Variants in NEO1 observed in about 807,000 individuals in gnomAD.
The protein encoded by NEO1 is neogenin 1.
NEO1 carries 63 observed loss-of-function variants against 159.7 expected under a neutral mutation model. The observed-to-expected ratio is 0.39, with a 90% CI of 0.32 to 0.49. The LOEUF (loss-of-function observed/expected upper bound fraction) is 0.49, where lower values mean the gene tolerates loss of function less well. NEO1 is among the 20% of genes least tolerant of loss of function. NEO1 has a pLI of 0.85. For missense variants in NEO1, 1,615 were observed against 1,831.0 expected (o/e 0.88, Z 2.15); for synonymous variants, 633 against 662.0 (o/e 0.96, Z 0.67).
intron 25 of NEO1, among the ~76,000 whole-genome samples, chr15:73,290,687 C>G (rs1235336811): frequency 6.6e-6 from 1 of 152,184 alleles, no homozygotes; most frequent in Admixed American, 6.5e-5. Flanking sequence ...TTCTTTCAAA[C>G]TACTATGTCC....
At chr15:73,092,747 A>G (rs1247984467) in intron 1 of NEO1, among the ~76,000 whole-genome samples, 1 of 152,118 alleles carries the variant, frequency 6.6e-6, no homozygotes, top group Non-Finnish European at 1.5e-5. Flanking sequence ...TATTTTTTAG[A>G]TCAGTTTTAG....
At chr15:73,274,027 G>T in intron 20 of NEO1, 22 bp downstream of exon 20, 1 of 1,605,590 alleles carries the variant, frequency 6.2e-7, no homozygotes, top group African/African-American at 1.3e-5. Flanking sequence ...CAAGCTGAGG[G>T]TTTTGTTGTG....
intron 5 of NEO1, among the ~76,000 whole-genome samples, chr15:73,137,145 G>C (rs1040949606): frequency 6.6e-6 from 1 of 152,110 alleles, no homozygotes; most frequent in Non-Finnish European, 1.5e-5. Context: ...TGGTACCCTT[G>C]ATGCACGTTA....
intron 25 of NEO1, 81 bp from the exon 26 acceptor site, chr15:73,293,309 G>A: frequency 6.5e-7 from 1 of 1,545,062 alleles, no homozygotes; most frequent in Non-Finnish European, 8.9e-7. Context: ...GTGGGAAGGG[G>A]GTGACTTTGC....
At position 73,249,650 on chromosome 15, in the gene NEO1, G is replaced by T; in HGVS notation, c.1823G>T (p.Arg608Leu). ...AAAAAATATACAGAGTATAGTTTCCGAGTGGTGGCCTACAATAAACATGGT... is the reference window on the plus strand; with the variant it reads ...AAAAAATATACAGAGTATAGTTTCCTAGTGGTGGCCTACAATAAACATGGT... Reference protein sequence around the residue: ...GLKKYTEYSFRVVAYNKHGPG... With the variant: ...GLKKYTEYSFLVVAYNKHGPG... Residue 608 changes from arginine to leucine, a missense_variant, in exon 11 of 29, where the codon CGA becomes CTA. Transcript: ENST00000261908. The T allele has an allele frequency of 6.2e-7, 1 of 1,613,740 alleles. No individual in the cohort carries two copies. Among genetic ancestry groups the T allele is most frequent in the Non-Finnish European group, 8.5e-7 (1 of 1,179,876 alleles).
chr15:73,130,878 G>A (rs2031027871), intron 4 of NEO1, among the ~76,000 whole-genome samples: 1 of 152,208 alleles, frequency 6.6e-6, no homozygotes, highest in Non-Finnish European at 1.5e-5. Flanking sequence ...CCATGTGGGG[G>A]AACAATAATG....
chr15:73,302,181 C>CA (rs775500204), intron 28 of NEO1, among the ~76,000 whole-genome samples: 5 of 152,156 alleles, frequency 3.3e-5, no homozygotes, highest in Non-Finnish European at 2.9e-5. Context: ...GTTCTCGAAA[C>CA]AAAAATCACC....
Position 73,302,797 on chromosome 15 carries a change from G to A in NEO1, c.*101G>A, listed in dbSNP as rs2042672350. 1 of 1,116,694 alleles carries A rather than the reference G, an allele frequency of 9.0e-7. No homozygotes were observed. The highest frequency in any genetic ancestry group is 1.3e-6 in the Non-Finnish European group (1 of 758,392). 69.2% of individuals were successfully genotyped at this position (1,116,694 alleles called of 1,614,324 possible). On this transcript the variant is annotated 3_prime_UTR_variant, in exon 29 of 29. Transcript: ENST00000261908. Reference sequence around the variant, plus strand: ...CAGAGTACGAGAGGACAGCACTTGAGAACACAGAATGAGCCAGCAGACTGG... The same window carrying A: ...CAGAGTACGAGAGGACAGCACTTGAAAACACAGAATGAGCCAGCAGACTGG...
chr15:73,055,377 C>T (rs1039025805), intron 1 of NEO1, among the ~76,000 whole-genome samples: 1 of 152,126 alleles, frequency 6.6e-6, no homozygotes, highest in African/African-American at 2.4e-5. Context: ...TTGTACAGTA[C>T]ATTTCACTGT....
At chr15:73,259,602 C>T (rs1359622076) in intron 14 of NEO1, among the ~76,000 whole-genome samples, 2 of 152,042 alleles carry the variant, frequency 1.3e-5, no homozygotes, top group Non-Finnish European at 1.5e-5. Context: ...GATTCTTTCT[C>T]CTTGGCCTTG....
In NEO1 at chr15:73,270,349, A is replaced by G; in HGVS notation, c.2752A>G (p.Thr918Ala). ...TGCAACCACTTTGAGTTATTTGGTG[A>G]CTGGTTTAAAGCCGAATACACTCTA... Reference protein sequence around the residue: ...ANATTLSYLVTGLKPNTLYEF... With the variant: ...ANATTLSYLVAGLKPNTLYEF... Residue 918 changes from threonine to alanine, a missense_variant, in exon 18 of 29, where the codon ACT becomes GCT. By Grantham distance (58) the Thr-to-Ala change is moderately conservative. Around this residue, in one of 3 missense-constraint regions of NEO1, gnomAD observed 126 missense variants for 216.7 expected, o/e 0.58. Transcript: ENST00000261908. 6.2e-7 allele frequency: 1 copy of G among 1,614,190 alleles called. No homozygotes were observed.
intron 1 of NEO1, among the ~76,000 whole-genome samples, chr15:73,097,774 G>T: frequency 1.1e-5 from 1 of 92,582 alleles, no homozygotes; most frequent in African/African-American, 5.7e-5. Flanking sequence ...CCTGGAACTA[G>T]CCTTTTTTTT....
intron 4 of NEO1, among the ~76,000 whole-genome samples, chr15:73,127,566 C>T (rs1023975219): frequency 5.3e-5 from 8 of 152,200 alleles, no homozygotes; most frequent in Non-Finnish European, 1.2e-4. Context: ...TGAGATGGTC[C>T]TTGGGAAGCA....
chr15:73,256,813 GC>G (rs1387772985), intron 13 of NEO1, among the ~76,000 whole-genome samples: 2 of 152,268 alleles, frequency 1.3e-5, no homozygotes, highest in East Asian at 3.9e-4. Context: ...TTTCAGCTGA[GC>G]GTGGTGGCTC....
chr15:73,218,899 G>A (rs1287498187), intron 7 of NEO1, among the ~76,000 whole-genome samples: 1 of 151,924 alleles, frequency 6.6e-6, no homozygotes, highest in Admixed American at 6.6e-5. Context: ...ATTTTTTGAA[G>A]GGTTTTTTGT....
At chr15:73,240,457 A>C (rs1023282777) in intron 8 of NEO1, among the ~76,000 whole-genome samples, 5 of 152,238 alleles carry the variant, frequency 3.3e-5, no homozygotes, top group Non-Finnish European at 7.3e-5. Context: ...AAGCTGGCCA[A>C]ACTGGCCCAG....
At chr15:73,150,818 G>A (rs905861430) in intron 5 of NEO1, among the ~76,000 whole-genome samples, 2 of 152,244 alleles carry the variant, frequency 1.3e-5, no homozygotes, top group Middle Eastern at 6.8e-3. Context: ...ACCCCAGAGG[G>A]TCTATTCTTT....
chr15:73,061,856 G>A (rs2067995041), intron 1 of NEO1, among the ~76,000 whole-genome samples: 1 of 152,172 alleles, frequency 6.6e-6, no homozygotes, highest in African/African-American at 2.4e-5. Context: ...TTCCATGTGA[G>A]TGTGTATAAA....
chr15:73,111,145 T>C (rs560014522), intron 1 of NEO1, among the ~76,000 whole-genome samples: 129 of 152,326 alleles, frequency 8.5e-4, no homozygotes, highest in African/African-American at 2.9e-3. Context: ...GAGAAAACAA[T>C]GTTAACTGTT....
Sources: gnomAD v4.1 joint callset for allele counts (sites outside exome capture counted in the v4.1 genomes callset) on GRCh38, gnomAD v4.1.1 for gene constraint, gnomAD v4.1.1 regional missense constraint, MANE v1.5 for transcripts, NCBI Gene and HGNC (gene_info 2026-07-23, HGNC 2026-07-21) for gene names.